PTPRD: variants seen among roughly 807,000 people sequenced by gnomAD.
PTPRD encodes receptor-type tyrosine-protein phosphatase delta.
PTPRD carries 34 observed loss-of-function variants against 214.5 expected under a neutral mutation model. That is an observed-to-expected ratio of 0.16 (90% CI 0.12 to 0.21). PTPRD has a LOEUF of 0.21. PTPRD is among the 10% of genes least tolerant of loss of function. PTPRD has a pLI of 1.00. For synonymous variants in PTPRD, 1,128 were observed against 845.7 expected (o/e 1.33, Z -5.79); for missense variants, 2,545 against 2,398.7 (o/e 1.06, Z -1.27).
At position 9,028,336 on chromosome 9, in the gene PTPRD, A is replaced by G. The variant is rs149555678; in HGVS notation, c.-142-9601T>C. On this transcript the variant is annotated intron_variant, in intron 10 of 45. Coordinates refer to ENST00000381196, the MANE Select transcript of PTPRD (RefSeq NM_002839.4). ...CAGCTATCAATATTCTCACCACTCC[A>G]TATATAAATTGCAGAACTAAAATTA... is the stretch of plus-strand genomic sequence containing the variant. Among the ~76,000 whole-genome samples the G allele has an allele frequency of 3.2e-3, 480 of 152,090 alleles. 2 individuals carry two copies. The highest frequency in any genetic ancestry group is 4.9e-3 in the Non-Finnish European group (335 of 67,936).
intron 9 of PTPRD, among the ~76,000 whole-genome samples, chr9:9,297,562 A>G (rs1318582527): frequency 6.6e-6 from 1 of 151,722 alleles, no homozygotes; most frequent in Admixed American, 6.6e-5. Context: ...GGATTATTTC[A>G]GGTAGTTTCC....
At position 8,374,754 on chromosome 9, in the gene PTPRD, A is replaced by G. The variant is rs148463700; in HGVS notation, c.4661+1182T>C. 4.2e-3 allele frequency among the ~76,000 whole-genome samples: 632 copies of G among 152,160 alleles called. 5 individuals carry two copies. The highest frequency in any genetic ancestry group is 0.014 in the African/African-American group (588 of 41,550). The stretch of plus-strand genomic sequence containing the variant: ...ATAAATACAAGGTAATGTTATTACT[A>G]GTTTTTATCTAGGAAAACATTTGCT... On this transcript the variant is annotated intron_variant, in intron 39 of 45. Coordinates refer to ENST00000381196, the MANE Select transcript of PTPRD (RefSeq NM_002839.4).
chr9:9,232,910 A>G (rs1202053414), intron 9 of PTPRD, among the ~76,000 whole-genome samples: 1 of 152,024 alleles, frequency 6.6e-6, no homozygotes, highest in African/African-American at 2.4e-5. Context: ...TTTTCCACAA[A>G]TCCAGCTATA....
chr9:9,547,778 G>T (rs904841134), intron 8 of PTPRD, among the ~76,000 whole-genome samples: 1 of 127,630 alleles, frequency 7.8e-6, no homozygotes, highest in African/African-American at 3.0e-5. Flanking sequence ...ATCTAAGAAA[G>T]CTCAAATAAA....
chr9:10,119,845 G>A (rs141968628), intron 3 of PTPRD, among the ~76,000 whole-genome samples: 70 of 152,054 alleles, frequency 4.6e-4, no homozygotes, highest in African/African-American at 1.7e-3. Context: ...ATAATGAGAG[G>A]TACAGAGACC....
At chr9:8,594,706 G>A (rs1036609074) in intron 14 of PTPRD, among the ~76,000 whole-genome samples, 3 of 151,984 alleles carry the variant, frequency 2.0e-5, no homozygotes, top group African/African-American at 4.8e-5. Context: ...CATGTAAAAC[G>A]TGCCTGCTTC....
chr9:10,014,651 T>C lies in PTPRD; in HGVS notation c.-472+19067A>G, dbSNP rs1025066700. On this transcript the variant is annotated intron_variant, in intron 4 of 45. Coordinates refer to ENST00000381196, the MANE Select transcript of PTPRD (RefSeq NM_002839.4). ...CATAAATGACAAGAGGAAGCTGACT[T>C]TACAGATGAGAAATGAAACGTGAAA... Among the ~76,000 whole-genome samples, 4 of 151,966 alleles carry C rather than the reference T, an allele frequency of 2.6e-5. No homozygotes were observed. The South Asian group carries it at 6.2e-4, about 24-fold the overall frequency.
rs545490785 is a variant in PTPRD at position 8,637,297 on chromosome 9, T to C, written c.65-453A>G. The stretch of plus-strand genomic sequence containing the variant: ...TAAAATTAGTGACATTTAAGAGAAA[T>C]GCTAGGAAATTTTAAAGAGACAAGA... On this transcript the variant is annotated intron_variant, in intron 12 of 45. Transcript: ENST00000381196. 2.6e-5 allele frequency among the ~76,000 whole-genome samples: 4 copies of C among 152,268 alleles called. No individual in the cohort carries two copies. In the East Asian group the frequency reaches 5.8e-4, roughly 22 times the overall value.
At chr9:8,557,540 C>T (rs1020739702) in intron 14 of PTPRD, among the ~76,000 whole-genome samples, 9 of 148,494 alleles carry the variant, frequency 6.1e-5, no homozygotes, top group African/African-American at 2.3e-4. Flanking sequence ...GTCAGGAGTT[C>T]GAGACTAGCC....
At chr9:9,396,144 C>T (rs1296670891) in intron 9 of PTPRD, among the ~76,000 whole-genome samples, 1 of 151,980 alleles carries the variant, frequency 6.6e-6, no homozygotes, top group Non-Finnish European at 1.5e-5. Flanking sequence ...AGCATTTTTG[C>T]TGTAAATCTT....
intron 3 of PTPRD, among the ~76,000 whole-genome samples, chr9:10,261,492 T>C (rs2093696835): frequency 6.6e-6 from 1 of 152,000 alleles, no homozygotes; most frequent in South Asian, 2.1e-4. Flanking sequence ...ACAATATAAA[T>C]GCTCAGTAAA....
At chr9:10,543,712 C>G (rs187750284) in intron 2 of PTPRD, among the ~76,000 whole-genome samples, 213 of 152,292 alleles carry the variant, frequency 1.4e-3, no homozygotes, top group Non-Finnish European at 2.3e-3. Context: ...CATAACTTGC[C>G]AAGGGATAGA....
At chr9:10,050,203 T>A (rs2097502789) in intron 3 of PTPRD, among the ~76,000 whole-genome samples, 1 of 151,786 alleles carries the variant, frequency 6.6e-6, no homozygotes, top group Non-Finnish European at 1.5e-5. Flanking sequence ...AGCAATTATG[T>A]TTCAGGGGCA....
chr9:9,567,699 G>A (rs749712573), intron 8 of PTPRD, among the ~76,000 whole-genome samples: 14 of 151,920 alleles, frequency 9.2e-5, no homozygotes, highest in Non-Finnish European at 1.9e-4. Flanking sequence ...CTTCTTAAGG[G>A]AACTTGAATT....
At chr9:8,436,194 G>T (rs10815873) in intron 35 of PTPRD, among the ~76,000 whole-genome samples, 80,148 of 151,954 alleles carry the variant, frequency 0.53, 21,281 homozygotes, top group Non-Finnish European at 0.56. Context: ...TACCAATGGA[G>T]GGCTGGCAAA....
intron 14 of PTPRD, among the ~76,000 whole-genome samples, chr9:8,599,613 C>CCCCCCCCCTTTTTT (rs2094698008): frequency 7.5e-5 from 4 of 53,428 alleles, no homozygotes; most frequent in Non-Finnish European, 1.5e-4. Flanking sequence ...CCCGCCCACC[C>CCCCCCCCCTTTTTT]TTTTTTTTTT....
At chr9:10,462,051 T>C (rs2098962880) in intron 2 of PTPRD, among the ~76,000 whole-genome samples, 1 of 152,126 alleles carries the variant, frequency 6.6e-6, no homozygotes. Context: ...ATACAAAGTA[T>C]CAAATATTTA....
intron 18 of PTPRD, 125 bp from the exon 19 acceptor site, chr9:8,523,649 C>A: frequency 2.1e-6 from 2 of 974,748 alleles, no homozygotes; most frequent in South Asian, 1.6e-5. Context: ...CATCTTTATT[C>A]GCTCTAGTTC....
At chr9:10,084,589 A>AGT (rs1485239587) in intron 3 of PTPRD, among the ~76,000 whole-genome samples, 2 of 151,980 alleles carry the variant, frequency 1.3e-5, no homozygotes, top group Non-Finnish European at 2.9e-5. Flanking sequence ...TTTCCTTATA[A>AGT]GTGTCACTAG....
Sources: allele counts gnomAD v4.1 joint callset (sites outside exome capture counted in the v4.1 genomes callset), GRCh38; gene constraint gnomAD v4.1.1; transcripts MANE v1.5; gene names NCBI Gene and HGNC (gene_info 2026-07-23, HGNC 2026-07-21).